MDGA2: variants seen among roughly 807,000 people sequenced by gnomAD.
MDGA2 encodes the protein MAM domain-containing glycosylphosphatidylinositol anchor protein 2.
In MDGA2, 40 loss-of-function variants were observed where a neutral mutation model predicts 117.8. That is an observed-to-expected ratio of 0.34 (90% confidence interval 0.26 to 0.44). The LOEUF (loss-of-function observed/expected upper bound fraction) is 0.44, where lower values mean the gene tolerates loss of function less well. Among genes scored for constraint, MDGA2 ranks in the 20% least tolerant of loss-of-function variants. The pLI, the probability that MDGA2 is intolerant of heterozygous loss-of-function variation, is 1.00. For missense variants in MDGA2, 1,123 were observed against 1,250.6 expected (o/e 0.90, Z 1.54); for synonymous variants, 452 against 439.0 (o/e 1.03, Z -0.37).
chr14:46,925,914 T>C (rs1445989445), intron 9 of MDGA2, among the ~76,000 whole-genome samples: 2 of 152,098 alleles, frequency 1.3e-5, no homozygotes, highest in African/African-American at 4.8e-5. Context: ...AAAATGAATA[T>C]GTTATAGATA....
intron 3 of MDGA2, among the ~76,000 whole-genome samples, chr14:47,206,412 G>A (rs79299977): frequency 4.9e-4 from 75 of 151,708 alleles, no homozygotes; most frequent in Middle Eastern, 3.4e-3. Flanking sequence ...TTAACAGAGT[G>A]AGACCTCGTC....
intron 1 of MDGA2, among the ~76,000 whole-genome samples, chr14:47,568,226 CAGTACCGCA>C (rs1447607005): frequency 1.3e-5 from 2 of 152,168 alleles, no homozygotes; most frequent in Non-Finnish European, 2.9e-5. Context: ...GATTTTACTC[CAGTACCGCA>C]AGTAAGAATG....
chr14:47,068,955 TCA>T (rs576102104), intron 6 of MDGA2, among the ~76,000 whole-genome samples: 20 of 152,302 alleles, frequency 1.3e-4, no homozygotes, highest in African/African-American at 4.3e-4. Flanking sequence ...CCAACCTCTC[TCA>T]CAGTATCCTG....
intron 5 of MDGA2, among the ~76,000 whole-genome samples, chr14:47,120,778 C>A (rs1434758957): frequency 6.6e-6 from 1 of 152,156 alleles, no homozygotes; most frequent in African/African-American, 2.4e-5. Context: ...ATCTTCTCTC[C>A]TGTTAGTCCT....
intron 15 of MDGA2, among the ~76,000 whole-genome samples, chr14:46,853,761 T>C (rs1469755729): frequency 6.6e-6 from 1 of 151,850 alleles, no homozygotes; most frequent in African/African-American, 2.4e-5. Flanking sequence ...AAAGTGAAAG[T>C]ATATCTATAA....
chr14:47,059,062 G>A (rs766072423), intron 7 of MDGA2: 17 of 1,012,804 alleles, frequency 1.7e-5, no homozygotes, highest in Non-Finnish European at 1.9e-5. Context: ...AGTCAGTAGG[G>A]AATTACAATA....
At chr14:47,509,958 G>A (rs1894604114) in intron 1 of MDGA2, among the ~76,000 whole-genome samples, 1 of 152,132 alleles carries the variant, frequency 6.6e-6, no homozygotes, top group East Asian at 1.9e-4. Flanking sequence ...TAGGGCTGTG[G>A]GGATGTTAAT....
chr14:46,973,329 G>T (rs1043519431), intron 8 of MDGA2, among the ~76,000 whole-genome samples: 3 of 152,162 alleles, frequency 2.0e-5, no homozygotes, highest in African/African-American at 7.2e-5. Context: ...GTGCAGTTAA[G>T]TTCAGCTGGT....
At chr14:47,601,701 G>T (rs779235673) in intron 1 of MDGA2, among the ~76,000 whole-genome samples, 2 of 152,112 alleles carry the variant, frequency 1.3e-5, no homozygotes, top group Admixed American at 1.3e-4. Flanking sequence ...GTGGGTAAAA[G>T]ATTTTTTCAT....
chr14:47,615,622 G>C (rs949161722), intron 1 of MDGA2, among the ~76,000 whole-genome samples: 2 of 152,144 alleles, frequency 1.3e-5, no homozygotes, highest in Non-Finnish European at 2.9e-5. Context: ...GTTAGACAGA[G>C]GATAGAAGGA....
chr14:46,902,570 GGTTTT>G (rs1225075058), intron 10 of MDGA2, among the ~76,000 whole-genome samples: 1 of 152,014 alleles, frequency 6.6e-6, no homozygotes, highest in Non-Finnish European at 1.5e-5. Flanking sequence ...CTACAACTAA[GGTTTT>G]GTTTTGTTTT....
intron 1 of MDGA2, among the ~76,000 whole-genome samples, chr14:47,614,509 G>A (rs139144616): frequency 1.8e-3 from 279 of 152,120 alleles, no homozygotes; most frequent in Non-Finnish European, 3.0e-3. Flanking sequence ...TTCCACACTC[G>A]TGCTAACTCA....
At chr14:47,359,549 T>G (rs2138366344) in intron 1 of MDGA2, among the ~76,000 whole-genome samples, 1 of 152,114 alleles carries the variant, frequency 6.6e-6, no homozygotes, top group South Asian at 2.1e-4. Flanking sequence ...GAGGAATGGA[T>G]AGTTTCTCCA....
Position 47,144,815 on chromosome 14 carries a change from A to ATTTTTTTTTT in MDGA2, c.596-551_596-542dup, listed in dbSNP as rs60842690. Among the ~76,000 whole-genome samples the ATTTTTTTTTT allele has an allele frequency of 5.5e-3, 723 of 130,368 alleles. 45 individuals are homozygous for ATTTTTTTTTT. The highest frequency in any genetic ancestry group is 0.019 in the African/African-American group (635 of 32,712). The allele number at this position is 130,368 out of a possible 152,430, so 85.5% of individuals were successfully genotyped here. A position where few individuals can be genotyped will look rare whatever the true frequency, so the allele number is the denominator to read the frequency against. ...AGGCATGTGCTACCATGCCCGGCTA[A>ATTTTTTTTTT]TTTTTTTTTTTTTTTGTACAGACAG... On this transcript the variant is annotated intron_variant, in intron 3 of 16. Coordinates refer to ENST00000399232, the MANE Select transcript of MDGA2 (RefSeq NM_001113498.3).
intron 5 of MDGA2, among the ~76,000 whole-genome samples, chr14:47,128,580 T>C (rs79326975): frequency 0.049 from 7,513 of 152,278 alleles, 265 homozygotes; most frequent in Non-Finnish European, 0.074. Flanking sequence ...AACCTGTTTA[T>C]TCTTGTTTCT....
At chr14:47,188,335 T>C (rs1413021087) in intron 3 of MDGA2, among the ~76,000 whole-genome samples, 1 of 152,238 alleles carries the variant, frequency 6.6e-6, no homozygotes, top group African/African-American at 2.4e-5. Context: ...TATTGCTCTC[T>C]TGCTTGCTTG....
intron 2 of MDGA2, among the ~76,000 whole-genome samples, chr14:47,224,502 G>A (rs557353997): frequency 3.9e-5 from 6 of 152,266 alleles, no homozygotes; most frequent in Middle Eastern, 3.4e-3. Context: ...CTTCTAGGTT[G>A]CCCCATTTAA....
At chr14:47,179,930 A>G (rs1458319530) in intron 3 of MDGA2, among the ~76,000 whole-genome samples, 1 of 152,150 alleles carries the variant, frequency 6.6e-6, no homozygotes, top group Non-Finnish European at 1.5e-5. Context: ...TGGGATTGTT[A>G]GACATACTTT....
intron 1 of MDGA2, among the ~76,000 whole-genome samples, chr14:47,445,697 C>A (rs1162200392): frequency 6.6e-6 from 1 of 151,938 alleles, no homozygotes; most frequent in Admixed American, 6.6e-5. Flanking sequence ...AGAGGGACAG[C>A]AATAAGAAAT....
Sources: gnomAD v4.1 joint callset for allele counts (sites outside exome capture counted in the v4.1 genomes callset) on GRCh38, gnomAD v4.1.1 for gene constraint, MANE v1.5 for transcripts, NCBI Gene and HGNC (gene_info 2026-07-23, HGNC 2026-07-21) for gene names.